The following AFAP1 variants were observed in gnomAD, a reference collection of about 807,000 sequenced individuals.
AFAP1 encodes actin filament associated protein 1, also known as actin filament-associated protein 1.
A neutral mutation model predicts 93.9 loss-of-function variants in AFAP1; 75 were observed. The observed-to-expected ratio is 0.80, with a 90% CI of 0.66 to 0.97. The LOEUF is 0.97. Among genes scored for constraint, AFAP1 ranks in the 50% least tolerant of loss-of-function variants. The probability of loss-of-function intolerance (pLI) is 0.00; values close to 1 mark genes in which losing one functional copy is unlikely to be tolerated. For synonymous variants in AFAP1, 517 were observed against 430.7 expected (o/e 1.20, Z -2.48); for missense variants, 1,201 against 1,050.8 (o/e 1.14, Z -1.98).
chr4:7,883,804 T>C (rs1717987779), intron 1 of AFAP1, among the ~76,000 whole-genome samples: 1 of 152,206 alleles, frequency 6.6e-6, no homozygotes, highest in South Asian at 2.1e-4. Context: ...GATTGAAAGA[T>C]GAAGAAGTAA....
At chr4:7,899,147 A>G (rs6838055) in intron 1 of AFAP1, among the ~76,000 whole-genome samples, 19,339 of 152,072 alleles carry the variant, frequency 0.13, 1,418 homozygotes, top group Non-Finnish European at 0.17. Context: ...TTTAATAGAC[A>G]GATGCATTGG....
At chr4:7,778,935 T>C in intron 13 of AFAP1, 59 bp from the exon 14 acceptor site, 1 of 1,304,906 alleles carries the variant, frequency 7.7e-7, no homozygotes, top group South Asian at 1.3e-5. Flanking sequence ...CAAATCTTGG[T>C]CTTTTTTTTT....
chr4:7,842,301 CAAAAA>C (rs57050150), intron 5 of AFAP1, among the ~76,000 whole-genome samples: 280 of 94,878 alleles, frequency 3.0e-3, no homozygotes, highest in Middle Eastern at 7.2e-3. Flanking sequence ...CCTGGATTTA[CAAAAA>C]AAAAAAAAAA....
intron 1 of AFAP1, among the ~76,000 whole-genome samples, chr4:7,931,712 T>C (rs1321719891): frequency 3.3e-5 from 5 of 152,052 alleles, no homozygotes; most frequent in Admixed American, 2.0e-4. Context: ...TTTTCTGGAA[T>C]GCAACCACTT....
At position 7,800,657 on chromosome 4, in the gene AFAP1, C is replaced by T. The variant is rs765383542; in HGVS notation, c.1055-4G>A. On this transcript the variant is annotated splice_region_variant and splice_polypyrimidine_tract_variant and intron_variant, in intron 9 of 17. Transcript: ENST00000420658. ...TTGGAGAGCACGTTCAGATAGCCTG[C>T]GGAGACACAAGGCCACAGGTCAGCC... 21 of 1,613,992 alleles carry T rather than the reference C, an allele frequency of 1.3e-5. No homozygotes were observed. Among genetic ancestry groups the T allele is most frequent in the East Asian group, 6.7e-5 (3 of 44,898 alleles).
rs936049194 is a variant in AFAP1 at position 7,782,121 on chromosome 4, T to C, written c.1531-494A>G. Among the ~76,000 whole-genome samples, 100 of 152,214 alleles carry C rather than the reference T, an allele frequency of 6.6e-4. 1 individual carries two copies. The highest frequency in any genetic ancestry group is 6.2e-3 in the Admixed American group (95 of 15,286). On this transcript the variant is annotated intron_variant, in intron 12 of 17. Coordinates refer to ENST00000420658, the MANE Select transcript of AFAP1 (RefSeq NM_001134647.2). ...GGTCCTAGCAGAGCACCCGATGCTT[T>C]ACACAGCACTTCTCACGTCCTGGAC...
intron 1 of AFAP1, among the ~76,000 whole-genome samples, chr4:7,902,451 A>T (rs183479553): frequency 5.3e-5 from 8 of 152,336 alleles, no homozygotes; most frequent in African/African-American, 1.9e-4. Flanking sequence ...AGGAAGCTAA[A>T]GTGCCTCAGC....
chr4:7,917,900 CAA>C (rs1720177153), intron 1 of AFAP1, among the ~76,000 whole-genome samples: 1 of 152,196 alleles, frequency 6.6e-6, no homozygotes, highest in Non-Finnish European at 1.5e-5. Context: ...CTCAGCACCG[CAA>C]AGAGACCAGG....
At chr4:7,765,457 GC>G (rs1402334000) in intron 17 of AFAP1, among the ~76,000 whole-genome samples, 1 of 152,198 alleles carries the variant, frequency 6.6e-6, no homozygotes, top group Admixed American at 6.5e-5. Context: ...AGATGTACCT[GC>G]CCCTCCCTAC....
intron 1 of AFAP1, among the ~76,000 whole-genome samples, chr4:7,908,957 G>A (rs373218676): frequency 1.2e-4 from 18 of 144,618 alleles, no homozygotes; most frequent in East Asian, 1.0e-3. Flanking sequence ...TAGAGGCAAC[G>A]GTCCAATTAT....
At chr4:7,936,313 T>C (rs920228384) in intron 1 of AFAP1, among the ~76,000 whole-genome samples, 2 of 152,208 alleles carry the variant, frequency 1.3e-5, no homozygotes, top group African/African-American at 4.8e-5. Context: ...TATTTTATTT[T>C]TAAACTATTT....
chr4:7,781,394 A>G lies in AFAP1; in HGVS notation c.1764T>C (p.Ser588=), dbSNP rs563242784. 2.6e-6 allele frequency: 4 copies of G among 1,551,798 alleles called. No individual in the cohort carries two copies. The African/African-American group carries it at 5.5e-5, about 21-fold the overall frequency. The stretch of plus-strand genomic sequence containing the variant: ...GCCGTACCTGCGAGTTGAGCCCGAG[A>G]GACGCCCTCCCCACAGAAGAGGTAT... ...VTNTSSVGRA[S]LGLNSQLKGK... The change falls in exon 13 of 18, where the codon TCT becomes TCC. Residue 588 remains serine, a synonymous_variant. Coordinates refer to ENST00000420658, the MANE Select transcript of AFAP1 (RefSeq NM_001134647.2).
At chr4:7,900,500 T>G (rs1432536467) in intron 1 of AFAP1, among the ~76,000 whole-genome samples, 1 of 152,240 alleles carries the variant, frequency 6.6e-6, no homozygotes, top group East Asian at 1.9e-4. Context: ...CTGGACAGTG[T>G]GGCCAGGAGG....
At position 7,800,642 on chromosome 4, in the gene AFAP1, C is replaced by A. The variant is rs756892897; in HGVS notation, c.1066G>T (p.Val356Leu). The A allele has an allele frequency of 6.2e-7, 1 of 1,614,154 alleles. No homozygotes were observed. Among genetic ancestry groups the A allele is most frequent in the Non-Finnish European group, 8.5e-7 (1 of 1,180,030 alleles). ...TCTCGCCAGCGGCTGTTGGAGAGCA[C>A]GTTCAGATAGCCTGCGGAGACACAA... ...EDVPTCGYLN[V>L]LSNSRWRERW... The change falls in exon 10 of 18, where the codon GTG becomes TTG. Residue 356 changes from valine to leucine, a missense_variant. Physicochemically the swap from Val to Leu is conservative, Grantham distance 32 (BLOSUM62 1). Coordinates refer to ENST00000420658, the MANE Select transcript of AFAP1 (RefSeq NM_001134647.2).
chr4:7,772,563 T>A (rs1715582706), intron 16 of AFAP1: 1 of 471,588 alleles, frequency 2.1e-6, no homozygotes, highest in Non-Finnish European at 3.8e-6. Context: ...CTAAACAGAT[T>A]GTGCAAAGGG....
intron 6 of AFAP1, among the ~76,000 whole-genome samples, chr4:7,837,704 A>G (rs912471366): frequency 6.6e-6 from 1 of 152,160 alleles, no homozygotes; most frequent in Non-Finnish European, 1.5e-5. Flanking sequence ...CAAGAAAAAT[A>G]AACCAGACTA....
At chr4:7,918,679 GCGGATA>G (rs1720243239) in intron 1 of AFAP1, among the ~76,000 whole-genome samples, 1 of 130,946 alleles carries the variant, frequency 7.6e-6, no homozygotes, top group South Asian at 2.6e-4. Flanking sequence ...AAACAGGGCT[GCGGATA>G]AGACACTCGG....
At chr4:7,934,839 G>A (rs766793571) in intron 1 of AFAP1, among the ~76,000 whole-genome samples, 13 of 152,162 alleles carry the variant, frequency 8.5e-5, no homozygotes, top group African/African-American at 1.2e-4. Context: ...AAGAAATTAC[G>A]CTTCGCTAAA....
At chr4:7,799,838 G>C (rs1254212241) in intron 10 of AFAP1, among the ~76,000 whole-genome samples, 3 of 152,172 alleles carry the variant, frequency 2.0e-5, no homozygotes, top group African/African-American at 7.2e-5. Context: ...CTGCTTTCAT[G>C]AGTAAGAAAT....
Sources: gnomAD v4.1 joint callset for allele counts (sites outside exome capture counted in the v4.1 genomes callset) on GRCh38, gnomAD v4.1.1 for gene constraint, MANE v1.5 for transcripts, NCBI Gene and HGNC (gene_info 2026-07-23, HGNC 2026-07-21) for gene names.